SLAMF6: variants seen among roughly 807,000 people sequenced by gnomAD.
SLAMF6 encodes the protein NK-T-B-antigen.
Under a neutral mutation model 38.3 loss-of-function variants are expected in SLAMF6, and 21 were observed. The ratio of observed to expected loss-of-function variants is 0.55; its 90% CI spans 0.39 to 0.79. The LOEUF is 0.79. Among genes scored for constraint, SLAMF6 ranks in the 30% least tolerant of loss-of-function variants. The pLI, the probability that SLAMF6 is intolerant of heterozygous loss-of-function variation, is 0.00. For missense variants in SLAMF6, 341 were observed against 385.3 expected, an observed-to-expected ratio of 0.89 and a Z score of 0.96; for synonymous variants, 152 against 146.3, an observed-to-expected ratio of 1.04 and a Z score of -0.28.
chr1:160,498,269 T>C (rs1653701996), intron 1 of SLAMF6, among the ~76,000 whole-genome samples: 1 of 152,198 alleles, frequency 6.6e-6, no homozygotes, highest in African/African-American at 2.4e-5. Context: ...ATTCTGAATT[T>C]TCTGTTCTCT....
At chr1:160,494,985 C>G (rs1419940121) in intron 2 of SLAMF6, among the ~76,000 whole-genome samples, 1 of 152,186 alleles carries the variant, frequency 6.6e-6, no homozygotes, top group Non-Finnish European at 1.5e-5. Flanking sequence ...GTTTTCCAGA[C>G]ATCACCTCTT....
chr1:160,497,624 C>G lies in SLAMF6; in HGVS notation c.50-1231G>C, dbSNP rs9970400. 3.0e-3 allele frequency among the ~76,000 whole-genome samples: 449 copies of G among 152,186 alleles called. 3 individuals carry two copies. The highest frequency in any genetic ancestry group is 0.01 in the African/African-American group (426 of 41,514). ...TAATAGGTAGTTATTCAACCCATTA[C>G]CTGTTCCCTTCCTTCCCCCTCTAGT... On this transcript the variant is annotated intron_variant, in intron 1 of 7. Coordinates refer to ENST00000368057, the MANE Select transcript of SLAMF6 (RefSeq NM_001184714.2).
At chr1:160,509,420 C>T (rs1571308038) in intron 1 of SLAMF6, among the ~76,000 whole-genome samples, 1 of 151,866 alleles carries the variant, frequency 6.6e-6, no homozygotes, top group South Asian at 2.1e-4. Context: ...AACCAAACAC[C>T]ACATGTTCTC....
intron 2 of SLAMF6, 52 bp from the exon 3 acceptor site, chr1:160,491,440 A>C (rs759642886): frequency 1.9e-6 from 3 of 1,570,368 alleles, no homozygotes; most frequent in Non-Finnish European, 2.6e-6. Flanking sequence ...TCTTGGCTCA[A>C]CCCCCTGTGA....
intron 2 of SLAMF6, among the ~76,000 whole-genome samples, chr1:160,493,320 C>A (rs760961219): frequency 6.6e-6 from 1 of 152,178 alleles, no homozygotes. Flanking sequence ...CAGGTCTTGG[C>A]TCAAATGTCA....
At chr1:160,489,496 T>C (rs974828983) in intron 5 of SLAMF6, among the ~76,000 whole-genome samples, 1 of 152,180 alleles carries the variant, frequency 6.6e-6, no homozygotes, top group African/African-American at 2.4e-5. Context: ...AGACACCTCA[T>C]TGGCAAACAT....
intron 3 of SLAMF6, 135 bp from the exon 4 acceptor site, chr1:160,490,820 G>A (rs1362626053): frequency 8.0e-6 from 11 of 1,370,206 alleles, no homozygotes; most frequent in South Asian, 1.5e-5. Context: ...CTCTGGGGTG[G>A]GAGTCCTATG....
At chr1:160,508,015 A>T (rs975338419) in intron 1 of SLAMF6, among the ~76,000 whole-genome samples, 1 of 152,132 alleles carries the variant, frequency 6.6e-6, no homozygotes, top group African/African-American at 2.4e-5. Flanking sequence ...AATAGGACAC[A>T]AACAAATGGA....
intron 1 of SLAMF6, among the ~76,000 whole-genome samples, chr1:160,505,025 G>GAATT (rs1219708624): frequency 6.6e-6 from 1 of 151,806 alleles, no homozygotes; most frequent in African/African-American, 2.4e-5. Flanking sequence ...GACAAGCACA[G>GAATT]AATTTATTTA....
intron 1 of SLAMF6, among the ~76,000 whole-genome samples, chr1:160,511,804 G>A (rs1311303387): frequency 6.6e-6 from 1 of 152,066 alleles, no homozygotes; most frequent in African/African-American, 2.4e-5. Flanking sequence ...CAGCAACTAA[G>A]GTATCCAGGC....
At chr1:160,501,577 T>C (rs1653892267) in intron 1 of SLAMF6, among the ~76,000 whole-genome samples, 1 of 152,168 alleles carries the variant, frequency 6.6e-6, no homozygotes, top group Non-Finnish European at 1.5e-5. Flanking sequence ...AATCATGAAC[T>C]GGGAAGAGTT....
intron 1 of SLAMF6, among the ~76,000 whole-genome samples, chr1:160,521,357 A>G (rs1654975082): frequency 1.3e-5 from 2 of 152,120 alleles, no homozygotes; most frequent in Admixed American, 1.3e-4. Flanking sequence ...TGTGAAGTGG[A>G]GATTGGAGCA....
intron 1 of SLAMF6, among the ~76,000 whole-genome samples, chr1:160,512,379 G>A (rs566532722): frequency 5.7e-4 from 87 of 152,316 alleles, no homozygotes; most frequent in African/African-American, 1.9e-3. Context: ...GAGTCCCTGT[G>A]GGTACTGGGG....
chr1:160,519,158 G>A (rs933264818), intron 1 of SLAMF6, among the ~76,000 whole-genome samples: 1 of 152,090 alleles, frequency 6.6e-6, no homozygotes, highest in African/African-American at 2.4e-5. Context: ...GACTTGAATA[G>A]ACATTTCTCC....
chr1:160,515,852 T>C (rs1254613301), intron 1 of SLAMF6, among the ~76,000 whole-genome samples: 3 of 152,128 alleles, frequency 2.0e-5, no homozygotes, highest in African/African-American at 4.8e-5. Context: ...ATGGAACATA[T>C]CTTAAAACAA....
In SLAMF6 at chr1:160,490,651, A is replaced by G. The variant is rs147683972; in HGVS notation, c.681T>C (p.Ile227=). The change falls in exon 4 of 8, where the codon ATT becomes ATC. Residue 227 remains isoleucine (I), a synonymous_variant. Coordinates refer to ENST00000368057, the MANE Select transcript of SLAMF6 (RefSeq NM_001184714.2). Reference sequence around the variant, plus strand: ...TGCATATCCCAGAAACCATAAACAGAATCATTTTGGTATCTGTATATTGAA... The same window carrying G: ...TGCATATCCCAGAAACCATAAACAGGATCATTTTGGTATCTGTATATTGAA... The part of the protein sequence containing the change: ...VKIQYTDTKM[I]LFMVSGICIV... The G allele has an allele frequency of 1.9e-6, 3 of 1,613,652 alleles. No homozygotes were observed. The highest frequency in any genetic ancestry group is 1.7e-5 in the Admixed American group (1 of 59,962).
intron 2 of SLAMF6, among the ~76,000 whole-genome samples, chr1:160,492,526 G>A (rs1653358320): frequency 6.6e-6 from 1 of 152,106 alleles, no homozygotes; most frequent in Non-Finnish European, 1.5e-5. Flanking sequence ...GCCTAGTACA[G>A]GGATGGCAAA....
chr1:160,519,717 C>T (rs1246129682), intron 1 of SLAMF6, among the ~76,000 whole-genome samples: 1 of 136,500 alleles, frequency 7.3e-6, no homozygotes, highest in African/African-American at 2.7e-5. Context: ...TGTGTGATTT[C>T]ATTTATATGA....
intron 1 of SLAMF6, among the ~76,000 whole-genome samples, chr1:160,511,534 G>T (rs1323212697): frequency 6.6e-6 from 1 of 152,200 alleles, no homozygotes; most frequent in African/African-American, 2.4e-5. Context: ...ACAGAATGAA[G>T]TTGGGCCCCT....
Sources: allele counts gnomAD v4.1 joint callset (sites outside exome capture counted in the v4.1 genomes callset), GRCh38; gene constraint gnomAD v4.1.1; transcripts MANE v1.5; gene names NCBI Gene and HGNC (gene_info 2026-07-23, HGNC 2026-07-21).